The following FRMD4B variants were observed in gnomAD, a reference collection of about 807,000 sequenced individuals.
The protein encoded by FRMD4B is FERM domain containing 4B, also known as FERM domain-containing protein 4B.
Under a neutral mutation model 141.5 loss-of-function variants are expected in FRMD4B, and 74 were observed. The observed-to-expected ratio is 0.52, with a 90% CI of 0.43 to 0.63. FRMD4B has a LOEUF of 0.63. Ranked by LOEUF, FRMD4B falls within the 30% of genes least tolerant of loss-of-function variation. The pLI, the probability that FRMD4B is intolerant of heterozygous loss-of-function variation, is 0.00. For missense variants in FRMD4B, 1,366 were observed against 1,253.4 expected (o/e 1.09, Z -1.36); for synonymous variants, 506 against 467.9 (o/e 1.08, Z -1.05).
rs563678382 is a variant in FRMD4B at position 69,356,563 on chromosome 3, C to T, written c.162+29265G>A. Among the ~76,000 whole-genome samples the T allele has an allele frequency of 4.0e-4, 60 of 150,342 alleles. No homozygotes were observed. In the South Asian group the frequency reaches 0.011, roughly 29 times the overall value. On this transcript the variant is annotated intron_variant, in intron 1 of 22. Transcript: ENST00000398540. ...ATGTGAGTTAATACTTAATAAACTC[C>T]CCTTTATATATAGATATATATATAC...
chr3:69,324,336 T>C (rs1202111974), intron 1 of FRMD4B, among the ~76,000 whole-genome samples: 1 of 152,268 alleles, frequency 6.6e-6, no homozygotes, highest in African/African-American at 2.4e-5. Flanking sequence ...ATGTGTTCAT[T>C]CATTCACTTA....
chr3:69,423,382 T>A (rs184773812), intron 2 of FRMD4B, among the ~76,000 whole-genome samples: 1 of 152,278 alleles, frequency 6.6e-6, no homozygotes, highest in African/African-American at 2.4e-5. Context: ...AGTCACCCAA[T>A]GCTCCTGTTC....
At chr3:69,301,474 A>G (rs943909097) in intron 4 of FRMD4B, among the ~76,000 whole-genome samples, 3 of 151,844 alleles carry the variant, frequency 2.0e-5, no homozygotes, top group African/African-American at 7.3e-5. Context: ...ACAGGCACAC[A>G]CCACCAAGTT....
intron 2 of FRMD4B, among the ~76,000 whole-genome samples, chr3:69,413,809 G>A (rs555422394): frequency 1.6e-3 from 241 of 152,206 alleles, no homozygotes; most frequent in African/African-American, 5.4e-3. Context: ...CTCCTATGCC[G>A]GGAGCTGCAG....
intron 1 of FRMD4B, among the ~76,000 whole-genome samples, chr3:69,537,163 T>C (rs932865512): frequency 6.6e-5 from 10 of 152,172 alleles, no homozygotes; most frequent in African/African-American, 2.2e-4. Flanking sequence ...ACTGAAGGCA[T>C]AGACATTAAC....
chr3:69,239,924 G>A (rs773790432), intron 7 of FRMD4B, among the ~76,000 whole-genome samples: 22 of 152,028 alleles, frequency 1.4e-4, no homozygotes, highest in Non-Finnish European at 2.5e-4. Flanking sequence ...GTGGTGGTGC[G>A]TGCCTGTAAT....
intron 7 of FRMD4B, among the ~76,000 whole-genome samples, chr3:69,238,094 AT>A (rs1036104905): frequency 6.6e-6 from 1 of 152,166 alleles, no homozygotes; most frequent in African/African-American, 2.4e-5. Flanking sequence ...CCTAGGATGC[AT>A]TTTACTTACA....
At chr3:69,182,103 G>A (rs1022603498) in intron 20 of FRMD4B, among the ~76,000 whole-genome samples, 5 of 152,172 alleles carry the variant, frequency 3.3e-5, no homozygotes, top group African/African-American at 7.2e-5. Flanking sequence ...CATTCGAGTG[G>A]AGGTCAGAGG....
chr3:69,428,879 C>G (rs1183904021), intron 2 of FRMD4B, among the ~76,000 whole-genome samples: 1 of 152,178 alleles, frequency 6.6e-6, no homozygotes, highest in Non-Finnish European at 1.5e-5. Flanking sequence ...TTGGCAACCA[C>G]CACTCTGCTT....
intron 13 of FRMD4B, 54 bp downstream of exon 13, chr3:69,196,846 G>C: frequency 7.1e-7 from 1 of 1,408,286 alleles, no homozygotes; most frequent in African/African-American, 1.4e-5. Context: ...CTTATCTTCT[G>C]AACAGAATGC....
intron 2 of FRMD4B, among the ~76,000 whole-genome samples, chr3:69,395,264 C>T (rs1029921390): frequency 2.6e-5 from 4 of 151,622 alleles, no homozygotes; most frequent in Admixed American, 6.6e-5. Context: ...GATAAAAGAG[C>T]GGTTACTTGA....
chr3:69,200,843 T>C (rs955820738), intron 11 of FRMD4B: 1 of 471,350 alleles, frequency 2.1e-6, no homozygotes, highest in Non-Finnish European at 4.2e-6. Flanking sequence ...CAGGAAGAGT[T>C]ACAATGCAGC....
chr3:69,335,283 C>G (rs1486480588), intron 1 of FRMD4B, among the ~76,000 whole-genome samples: 2 of 152,090 alleles, frequency 1.3e-5, no homozygotes, highest in African/African-American at 4.8e-5. Flanking sequence ...AAAGCATATT[C>G]CAGACAGAGG....
chr3:69,202,957 T>C (rs1403468785), intron 11 of FRMD4B, among the ~76,000 whole-genome samples: 1 of 151,940 alleles, frequency 6.6e-6, no homozygotes, highest in Non-Finnish European at 1.5e-5. Context: ...AAACCTTATC[T>C]TAAAAAAACA....
At chr3:69,375,464 A>G (rs997356215) in intron 1 of FRMD4B, among the ~76,000 whole-genome samples, 1 of 117,298 alleles carries the variant, frequency 8.5e-6, no homozygotes, top group Non-Finnish European at 1.7e-5. Context: ...AGGCACTATA[A>G]TTGTCCACAT....
At chr3:69,378,287 T>G (rs1264889421) in intron 1 of FRMD4B, among the ~76,000 whole-genome samples, 9 of 152,112 alleles carry the variant, frequency 5.9e-5, no homozygotes, top group Non-Finnish European at 1.3e-4. Flanking sequence ...TTTGGTTGGG[T>G]GGGTATGTGA....
chr3:69,483,915 A>G (rs76817384), intron 1 of FRMD4B, among the ~76,000 whole-genome samples: 16,703 of 152,174 alleles, frequency 0.11, 1,018 homozygotes, highest in South Asian at 0.19. Flanking sequence ...CTGCTCAGTG[A>G]GGTTTTTGTC....
chr3:69,252,345 T>C (rs900029491), intron 5 of FRMD4B, among the ~76,000 whole-genome samples: 3 of 152,210 alleles, frequency 2.0e-5, no homozygotes, highest in Admixed American at 6.5e-5. Context: ...CTGTGGACTT[T>C]TCCACCTACA....
rs549844246 is a variant in FRMD4B, at chr3:69,511,085, A to G, written c.-129+31121T>C. Among the ~76,000 whole-genome samples the G allele has an allele frequency of 5.4e-3, 819 of 152,256 alleles. 4 individuals carry two copies. Among genetic ancestry groups the G allele is most frequent in the South Asian group, 0.018 (89 of 4,828 alleles). Reference sequence around the variant, plus strand: ...TGTTTAATGCATTCTTGGGGTTAACATTTTGTTGAGATTAGATATGTCGCC... The same window carrying G: ...TGTTTAATGCATTCTTGGGGTTAACGTTTTGTTGAGATTAGATATGTCGCC... On this transcript the variant is annotated intron_variant, in intron 1 of 5. Coordinates refer to the FRMD4B transcript ENST00000459638.
Sources: gnomAD v4.1 joint callset for allele counts (sites outside exome capture counted in the v4.1 genomes callset) on GRCh38, gnomAD v4.1.1 for gene constraint, MANE v1.5 for transcripts, NCBI Gene and HGNC (gene_info 2026-07-23, HGNC 2026-07-21) for gene names.